RIC1: variants seen among roughly 807,000 people sequenced by gnomAD.
RIC1 encodes guanine nucleotide exchange factor subunit RIC1.
A neutral mutation model predicts 169.0 loss-of-function variants in RIC1; 88 were observed. The ratio of observed to expected loss-of-function variants is 0.52; its 90% CI spans 0.44 to 0.62. The LOEUF (loss-of-function observed/expected upper bound fraction) is 0.62, where lower values mean the gene tolerates loss of function less well. Ranked by LOEUF, RIC1 falls within the 20% of genes least tolerant of loss-of-function variation. The probability of loss-of-function intolerance (pLI) is 0.00; values close to 1 mark genes in which losing one functional copy is unlikely to be tolerated. For missense variants in RIC1, 1,877 were observed against 1,725.5 expected, an observed-to-expected ratio of 1.09 and a Z score of -1.56; for synonymous variants, 790 against 601.5, an observed-to-expected ratio of 1.31 and a Z score of -4.59.
intron 17 of RIC1, among the ~76,000 whole-genome samples, chr9:5,760,822 T>C (rs1047764007): frequency 6.6e-6 from 1 of 152,172 alleles, no homozygotes; most frequent in African/African-American, 2.4e-5. Flanking sequence ...CTAGAATATA[T>C]AGGGTGGCTG....
At chr9:5,748,289 T>C (rs1825509133) in intron 12 of RIC1, among the ~76,000 whole-genome samples, 1 of 152,208 alleles carries the variant, frequency 6.6e-6, no homozygotes. Context: ...ATTCTTTGCC[T>C]TACTTTGACT....
At chr9:5,686,761 A>C (rs1278714444) in intron 2 of RIC1, among the ~76,000 whole-genome samples, 2 of 151,442 alleles carry the variant, frequency 1.3e-5, no homozygotes, top group Non-Finnish European at 2.9e-5. Flanking sequence ...CATGTACCCT[A>C]AAACTTAAAG....
intron 2 of RIC1, among the ~76,000 whole-genome samples, chr9:5,683,376 C>A (rs988099024): frequency 2.6e-5 from 4 of 152,200 alleles, no homozygotes; most frequent in African/African-American, 9.7e-5. Flanking sequence ...TCAGGACCCT[C>A]AGCTGCAGGT....
intron 23 of RIC1, among the ~76,000 whole-genome samples, chr9:5,771,917 A>G (rs535151580): frequency 6.6e-5 from 10 of 152,252 alleles, no homozygotes; most frequent in African/African-American, 2.4e-4. Context: ...TTATCTATAA[A>G]TATTTCAGTT....
At chr9:5,769,280 G>C in intron 22 of RIC1, 24 bp downstream of exon 22, 3 of 1,613,794 alleles carry the variant, frequency 1.9e-6, no homozygotes, top group Non-Finnish European at 2.5e-6. Context: ...CATGTCACTT[G>C]TACAAGGAGA....
chr9:5,643,150 T>TAAAAAA lies in RIC1; in HGVS notation c.145-13431_145-13426dup, dbSNP rs1157805872. 6.6e-5 allele frequency among the ~76,000 whole-genome samples: 10 copies of TAAAAAA among 152,058 alleles called. No homozygotes were observed. In the East Asian group the frequency reaches 1.9e-3, roughly 29 times the overall value. The stretch of plus-strand genomic sequence containing the variant: ...CCCCCATCTCTATAAAAAATAAAAA[T>TAAAAAA]AAAAAAATCAGCTGGCCATGGTGGT... On this transcript the variant is annotated intron_variant, in intron 1 of 25. Coordinates refer to ENST00000414202, the MANE Select transcript of RIC1 (RefSeq NM_020829.4).
At chr9:5,762,830 G>C (rs552284044) in intron 18 of RIC1, among the ~76,000 whole-genome samples, 170 bp downstream of exon 18, 25 of 152,242 alleles carry the variant, frequency 1.6e-4, no homozygotes, top group African/African-American at 5.8e-4. Context: ...GGAGGATAAG[G>C]TCCCAAAATG....
At chr9:5,754,270 G>A (rs1270442932) in intron 14 of RIC1, among the ~76,000 whole-genome samples, 1 of 152,126 alleles carries the variant, frequency 6.6e-6, no homozygotes, top group African/African-American at 2.4e-5. Flanking sequence ...TTTACACTAA[G>A]CCCTAATGGG....
chr9:5,737,602 G>GT (rs1824798665), intron 7 of RIC1, among the ~76,000 whole-genome samples: 1 of 150,118 alleles, frequency 6.7e-6, no homozygotes, highest in Non-Finnish European at 1.5e-5. Flanking sequence ...ACACACACAT[G>GT]TTTTATATCT....
intron 3 of RIC1, among the ~76,000 whole-genome samples, chr9:5,694,764 T>G (rs948329973): frequency 6.7e-6 from 1 of 149,246 alleles, no homozygotes; most frequent in Non-Finnish European, 1.5e-5. Flanking sequence ...TGTGTGATAA[T>G]ATAAACGATA....
chr9:5,632,512 C>A (rs980603180), intron 1 of RIC1, among the ~76,000 whole-genome samples: 8 of 152,030 alleles, frequency 5.3e-5, no homozygotes, highest in Admixed American at 5.2e-4. Context: ...TGTTTATGAA[C>A]AAAAGAGCCT....
At position 5,765,428 on chromosome 9, in the gene RIC1, T is replaced by G. The variant is rs1428320230; in HGVS notation, c.2856T>G (p.Pro952=). Residue 952 remains proline, a synonymous_variant, in exon 20 of 26, where the codon CCT becomes CCG. Coordinates refer to ENST00000414202, the MANE Select transcript of RIC1 (RefSeq NM_020829.4). ...YLIILQNMEV[P]AVSRQHATLL... ...GTTTTTTGTAGAATATGGAAGTCCCTGCAGTAAGTAGGCAACATGCTACCC... is the reference window on the plus strand; with the variant it reads ...GTTTTTTGTAGAATATGGAAGTCCCGGCAGTAAGTAGGCAACATGCTACCC... 1 of 1,613,632 alleles carries G rather than the reference T, an allele frequency of 6.2e-7. No homozygotes were observed. The highest frequency in any genetic ancestry group is 8.5e-7 in the Non-Finnish European group (1 of 1,179,844).
intron 1 of RIC1, among the ~76,000 whole-genome samples, chr9:5,633,919 G>C (rs1172201851): frequency 6.6e-6 from 1 of 152,000 alleles, no homozygotes; most frequent in Non-Finnish European, 1.5e-5. Flanking sequence ...CCCAGCCCCT[G>C]GTAATCATCG....
At chr9:5,753,299 C>T in intron 13 of RIC1, 61 bp downstream of exon 13, 1 of 1,434,584 alleles carries the variant, frequency 7.0e-7, no homozygotes, top group Middle Eastern at 1.7e-4. Context: ...AAGAGGCATT[C>T]TGGGAAGAGC....
At position 5,742,681 on chromosome 9, in the gene RIC1, G is replaced by C. The variant is rs77839915; in HGVS notation, c.902-188G>C. 3.3e-3 allele frequency among the ~76,000 whole-genome samples: 507 copies of C among 151,418 alleles called. 2 individuals are homozygous for C. Among genetic ancestry groups the C allele is most frequent in the Non-Finnish European group, 5.4e-3 (368 of 67,934 alleles). Reference sequence around the variant, plus strand: ...CTGTGCACTGAGTTTGTTCTGCTTAGATCAGGACAAAACTAATGGCCTTAC... The same window carrying C: ...CTGTGCACTGAGTTTGTTCTGCTTACATCAGGACAAAACTAATGGCCTTAC... On this transcript the variant is annotated intron_variant, in intron 8 of 25. Transcript: ENST00000414202.
intron 21 of RIC1, among the ~76,000 whole-genome samples, chr9:5,766,261 C>T (rs886946773): frequency 8.5e-5 from 13 of 152,154 alleles, no homozygotes; most frequent in African/African-American, 1.7e-4. Flanking sequence ...AGGCTAGTCT[C>T]GAACTCCTGG....
At chr9:5,720,019 T>C (rs1196897039) in intron 4 of RIC1, among the ~76,000 whole-genome samples, 163 bp from the exon 5 acceptor site, 1 of 152,244 alleles carries the variant, frequency 6.6e-6, no homozygotes, top group Admixed American at 6.5e-5. Context: ...GGATTTCTGA[T>C]TCTAGATTGA....
chr9:5,629,385 C>G lies in RIC1; in HGVS notation c.76C>G (p.Gln26Glu), dbSNP rs1383410362. The stretch of plus-strand genomic sequence containing the variant: ...CCCGGCCGAGGCGCCTTTCCACGTT[C>G]AGTCCGACCCGCAGAGGGCTTTCTT... Reference protein sequence around the residue: ...GSPAEAPFHVQSDPQRAFFAV... With the variant: ...GSPAEAPFHVESDPQRAFFAV... The change falls in exon 1 of 26, where the codon CAG (glutamine) becomes GAG (glutamate). Residue 26 changes from glutamine (Q) to glutamate (E), a missense_variant. This residue lies in a region of RIC1 where 1,104 missense variants were observed against 992.0 expected (regional missense o/e 1.11). Coordinates refer to ENST00000414202, the MANE Select transcript of RIC1 (RefSeq NM_020829.4). 9.1e-6 allele frequency: 14 copies of G among 1,534,464 alleles called. No homozygotes were observed. The highest frequency in any genetic ancestry group is 6.9e-5 in the African/African-American group (5 of 72,880).
chr9:5,688,399 G>C (rs1160658870), intron 2 of RIC1, among the ~76,000 whole-genome samples: 1 of 152,136 alleles, frequency 6.6e-6, no homozygotes, highest in Non-Finnish European at 1.5e-5. Context: ...TTCATTGCTT[G>C]ATGCCAGTGT....
Sources: gnomAD v4.1 joint callset for allele counts (sites outside exome capture counted in the v4.1 genomes callset) on GRCh38, gnomAD v4.1.1 for gene constraint, gnomAD v4.1.1 regional missense constraint, MANE v1.5 for transcripts, NCBI Gene and HGNC (gene_info 2026-07-23, HGNC 2026-07-21) for gene names.